COBL: variants seen among roughly 807,000 people sequenced by gnomAD.
COBL encodes cordon-bleu WH2 repeat protein.
In COBL, 51 loss-of-function variants were observed where a neutral mutation model predicts 98.8. That is an observed-to-expected ratio of 0.52 (90% CI 0.41 to 0.65). COBL has a LOEUF of 0.65. Ranked by LOEUF, COBL falls within the 30% of genes least tolerant of loss-of-function variation. COBL has a pLI of 0.00. For synonymous variants in COBL, 634 were observed against 651.7 expected (o/e 0.97, Z 0.41); for missense variants, 1,617 against 1,617.5 (o/e 1.00, Z 0.01).
intron 1 of COBL, among the ~76,000 whole-genome samples, chr7:51,221,265 G>A (rs942881113): frequency 4.6e-5 from 7 of 152,074 alleles, no homozygotes; most frequent in Non-Finnish European, 1.0e-4. Flanking sequence ...TGCTCAGAGT[G>A]GTCTTCCAAA....
intron 1 of COBL, chr7:51,260,055 T>G: frequency 1.0e-6 from 1 of 982,978 alleles, no homozygotes; most frequent in Non-Finnish European, 1.6e-6. Flanking sequence ...CTGCTCCTTC[T>G]TCTCCAAAAG....
At chr7:51,284,059 G>C (rs1296664790) in intron 1 of COBL, among the ~76,000 whole-genome samples, 3 of 150,448 alleles carry the variant, frequency 2.0e-5, no homozygotes, top group Non-Finnish European at 4.4e-5. Flanking sequence ...GCCAAGGTGG[G>C]CGGATCACAA....
intron 6 of COBL, among the ~76,000 whole-genome samples, chr7:51,116,880 A>G (rs1797314328): frequency 6.6e-6 from 1 of 152,100 alleles, no homozygotes; most frequent in Admixed American, 6.6e-5. Flanking sequence ...AAGATGTCCC[A>G]TTGTTACCCA....
chr7:51,147,461 C>A lies in COBL; in HGVS notation c.784-11130G>T, dbSNP rs61258473. Among the ~76,000 whole-genome samples the A allele has an allele frequency of 7.3e-3, 1,105 of 152,270 alleles. 13 individuals carry two copies. Among genetic ancestry groups the A allele is most frequent in the African/African-American group, 0.026 (1,073 of 41,556 alleles). ...GGAGACAGGGTCATTTATAACCTGA[C>A]GCGTTCACCTTACTGCTGTATCTGG... is the stretch of plus-strand genomic sequence containing the variant. On this transcript the variant is annotated intron_variant, in intron 5 of 12. Coordinates refer to ENST00000265136, the MANE Select transcript of COBL (RefSeq NM_015198.5).
intron 5 of COBL, among the ~76,000 whole-genome samples, chr7:51,147,485 G>A (rs1169963161): frequency 1.3e-5 from 2 of 152,152 alleles, no homozygotes; most frequent in Middle Eastern, 6.3e-3. Flanking sequence ...TGCTGTATCT[G>A]GTTTCCACTG....
At chr7:51,107,573 A>T (rs547318518) in intron 6 of COBL, among the ~76,000 whole-genome samples, 1 of 152,160 alleles carries the variant, frequency 6.6e-6, no homozygotes, top group Non-Finnish European at 1.5e-5. Context: ...AGACGTTTAT[A>T]ATCTTTTTAC....
intron 6 of COBL, among the ~76,000 whole-genome samples, chr7:51,096,860 TC>T (rs1409739346): frequency 6.6e-6 from 1 of 151,998 alleles, no homozygotes; most frequent in Non-Finnish European, 1.5e-5. Flanking sequence ...CCAAAAACCT[TC>T]CAACAAAGAA....
At chr7:51,109,820 G>A (rs1238331553) in intron 6 of COBL, among the ~76,000 whole-genome samples, 1 of 152,172 alleles carries the variant, frequency 6.6e-6, no homozygotes, top group African/African-American at 2.4e-5. Flanking sequence ...TGTTAGTAGT[G>A]CCACCTTCCA....
In COBL at chr7:51,069,615, A is replaced by G. The variant is rs1792306455; in HGVS notation, c.1096+15551T>C. Among the ~76,000 whole-genome samples, 4 of 152,370 alleles carry G rather than the reference A, an allele frequency of 2.6e-5. No homozygotes were observed. In the South Asian group the frequency reaches 8.3e-4, roughly 32 times the overall value. ...CCAAATCTGACTTTTAATATTGGCAACTTTACCTGGCAGAGAGGATGTGTG... is the reference window on the plus strand; with the variant it reads ...CCAAATCTGACTTTTAATATTGGCAGCTTTACCTGGCAGAGAGGATGTGTG... On this transcript the variant is annotated intron_variant, in intron 7 of 12. Transcript: ENST00000265136.
At position 51,226,050 on chromosome 7, in the gene COBL, T is replaced by C. The variant is rs146472659; in HGVS notation, c.42-6106A>G. 3.7e-3 allele frequency among the ~76,000 whole-genome samples: 563 copies of C among 152,286 alleles called. 1 individual carries two copies. Among genetic ancestry groups the C allele is most frequent in the African/African-American group, 0.013 (539 of 41,542 alleles). On this transcript the variant is annotated intron_variant, in intron 1 of 12. Coordinates refer to ENST00000265136, the MANE Select transcript of COBL (RefSeq NM_015198.5). ...TGCTTTACATCTTCCATCTTTCCAG[T>C]TGGAAATGTCATCTGTGGACCTGAA...
At chr7:51,087,145 T>TACAC (rs143387311) in intron 6 of COBL, among the ~76,000 whole-genome samples, 340 of 148,832 alleles carry the variant, frequency 2.3e-3, no homozygotes, top group African/African-American at 7.8e-3. Flanking sequence ...CACAGAGACA[T>TACAC]ACACACACAC....
chr7:51,025,156 A>G lies in COBL; in HGVS notation c.3721T>C (p.Leu1241=). ...GTGCCGGAGCGGATGGCGTCCATCA[A>G]GGCTTGCCTTGCGTCTGCGGTGTTG... ...LSNTADARQA[L]MDAIRSGTGA... is the part of the protein sequence containing the mutation. The change falls in exon 12 of 13, where the codon TTG becomes CTG. Residue 1241 remains leucine, a synonymous_variant. Coordinates refer to ENST00000265136, the MANE Select transcript of COBL (RefSeq NM_015198.5). 6.3e-7 allele frequency: 1 copy of G among 1,597,610 alleles called. No individual in the cohort carries two copies. Among genetic ancestry groups the G allele is most frequent in the Non-Finnish European group, 8.5e-7 (1 of 1,172,394 alleles).
At chr7:51,091,255 A>G (rs1212334253) in intron 6 of COBL, among the ~76,000 whole-genome samples, 2 of 152,242 alleles carry the variant, frequency 1.3e-5, no homozygotes, top group Non-Finnish European at 2.9e-5. Flanking sequence ...TCAGTGCACT[A>G]CAAGAGAATA....
chr7:51,241,313 C>A (rs1795769832), intron 1 of COBL, among the ~76,000 whole-genome samples: 1 of 152,160 alleles, frequency 6.6e-6, no homozygotes, highest in Non-Finnish European at 1.5e-5. Context: ...ATTTGCAGCC[C>A]AATACACACT....
intron 1 of COBL, among the ~76,000 whole-genome samples, chr7:51,258,440 C>T (rs1313035985): frequency 1.3e-5 from 2 of 152,170 alleles, no homozygotes; most frequent in African/African-American, 2.4e-5. Flanking sequence ...ACTCCTTCCT[C>T]CATGGAATGT....
At chr7:51,082,737 G>A (rs897964786) in intron 7 of COBL, among the ~76,000 whole-genome samples, 1 of 152,188 alleles carries the variant, frequency 6.6e-6, no homozygotes, top group African/African-American at 2.4e-5. Context: ...GGCTGTGCCG[G>A]ACAGCTGTCT....
At chr7:51,034,763 C>T (rs1225297645) in intron 8 of COBL, 2 of 152,154 alleles carry the variant, frequency 1.3e-5, no homozygotes, top group African/African-American at 4.8e-5. Flanking sequence ...GTAAACCTGC[C>T]CAGATGTTTT....
chr7:51,262,621 G>A (rs1377148122), intron 1 of COBL, among the ~76,000 whole-genome samples: 1 of 152,190 alleles, frequency 6.6e-6, no homozygotes, highest in East Asian at 1.9e-4. Context: ...GGGTGCTGGC[G>A]GCAACATTCG....
chr7:51,185,968 G>T (rs1789458006), intron 4 of COBL, among the ~76,000 whole-genome samples: 2 of 152,202 alleles, frequency 1.3e-5, no homozygotes, highest in African/African-American at 4.8e-5. Flanking sequence ...TTACATGCAG[G>T]AGGCTCCAGT....
Sources: gnomAD v4.1 joint callset for allele counts (sites outside exome capture counted in the v4.1 genomes callset) on GRCh38, gnomAD v4.1.1 for gene constraint, MANE v1.5 for transcripts, NCBI Gene and HGNC (gene_info 2026-07-23, HGNC 2026-07-21) for gene names.